PROSER2: variants seen among roughly 807,000 people sequenced by gnomAD.
PROSER2 encodes proline and serine rich 2.
Under a neutral mutation model 14.6 loss-of-function variants are expected in PROSER2, and 18 were observed. That is an observed-to-expected ratio of 1.23 (90% CI 0.85 to 1.83). The LOEUF (loss-of-function observed/expected upper bound fraction) is 1.83. PROSER2 is among the 40% of genes most tolerant of loss of function. The pLI, the probability that PROSER2 is intolerant of heterozygous loss-of-function variation, is 0.00. For synonymous variants in PROSER2, 367 were observed against 286.4 expected (o/e 1.28, Z -2.84); for missense variants, 823 against 629.8 (o/e 1.31, Z -3.28).
rs1325406913 is a variant in PROSER2, at chr10:11,823,872, C to A, written c.-82+402C>A. Among the ~76,000 whole-genome samples, 1 of 152,186 alleles carries A rather than the reference C, an allele frequency of 6.6e-6. No individual in the cohort carries two copies. Among genetic ancestry groups the A allele is most frequent in the East Asian group, 1.9e-4 (1 of 5,182 alleles). On this transcript the variant is annotated intron_variant, in intron 1 of 3. Transcript: ENST00000277570. The surrounding 1 kb of genome is among the most constrained non-coding windows in gnomAD (Gnocchi z 6.2). Reference sequence around the variant, plus strand: ...CTTTGCGCCGTGGGACCCCATGCGGCCTCGGGGAGAGGGTGCGGGTCCGAC... The same window carrying A: ...CTTTGCGCCGTGGGACCCCATGCGGACTCGGGGAGAGGGTGCGGGTCCGAC...
chr10:11,866,591 G>A lies in PROSER2; in HGVS notation c.199G>A (p.Glu67Lys). 1 of 1,614,196 alleles carries A rather than the reference G, an allele frequency of 6.2e-7. No individual in the cohort carries two copies. The highest frequency in any genetic ancestry group is 8.5e-7 in the Non-Finnish European group (1 of 1,180,034). The change falls in exon 3 of 4, where the codon GAG (glutamate) becomes AAG (lysine). Residue 67 changes from glutamate to lysine, a missense_variant. Transcript: ENST00000277570. This position sits in a 1 kb window ranked among gnomAD's most constrained non-coding sequence, Gnocchi z 6.0. ...EEKDVLLFFE[E>K]TIDSLDEDFE... ...AAAGGATGTGCTCCTGTTTTTTGAA[G>A]AGACGATTGACTCCCTAGACGAGGA... is the stretch of plus-strand genomic sequence containing the variant.
At chr10:11,848,504 A>G (rs956177835) in intron 1 of PROSER2, among the ~76,000 whole-genome samples, 3 of 152,134 alleles carry the variant, frequency 2.0e-5, no homozygotes, top group Non-Finnish European at 2.9e-5. Flanking sequence ...TTTAAGCCAA[A>G]TGTGTGGTGT....
intron 1 of PROSER2, among the ~76,000 whole-genome samples, chr10:11,843,510 A>AC (rs1322453566): frequency 1.3e-5 from 2 of 151,792 alleles, no homozygotes; most frequent in South Asian, 2.1e-4. Flanking sequence ...ACATGGTGAA[A>AC]CCCCGTCCCT....
At chr10:11,825,283 G>A (rs1420605627) in intron 1 of PROSER2, among the ~76,000 whole-genome samples, 1 of 152,252 alleles carries the variant, frequency 6.6e-6, no homozygotes, top group Non-Finnish European at 1.5e-5. Context: ...CTTATCTGCA[G>A]TGTTGTGGGG....
chr10:11,844,926 G>A (rs543326568), intron 1 of PROSER2, among the ~76,000 whole-genome samples: 9 of 152,250 alleles, frequency 5.9e-5, no homozygotes, highest in Admixed American at 6.5e-5. Flanking sequence ...CCAGCCTTCC[G>A]CATTCTTTAT....
In PROSER2 at chr10:11,856,465, C is replaced by G. The variant is rs966786539; in HGVS notation, c.138+4250C>G. 4.6e-5 allele frequency among the ~76,000 whole-genome samples: 7 copies of G among 152,232 alleles called. No homozygotes were observed. Among genetic ancestry groups the G allele is most frequent in the African/African-American group, 1.7e-4 (7 of 41,464 alleles). On this transcript the variant is annotated intron_variant, in intron 2 of 3. Coordinates refer to ENST00000277570, the MANE Select transcript of PROSER2 (RefSeq NM_153256.4). The surrounding 1 kb of genome is among the most constrained non-coding windows in gnomAD (Gnocchi z 5.3). Reference sequence around the variant, plus strand: ...GGCTGCTCGGAAAGGGCGGAGAGCTCTGCACTCGCATGGTTCTCAAGGAGT... The same window carrying G: ...GGCTGCTCGGAAAGGGCGGAGAGCTGTGCACTCGCATGGTTCTCAAGGAGT...
At position 11,838,201 on chromosome 10, in the gene PROSER2, C is replaced by G. The variant is rs903622336; in HGVS notation, c.-81-13796C>G. Among the ~76,000 whole-genome samples, 1 of 151,976 alleles carries G rather than the reference C, an allele frequency of 6.6e-6. No homozygotes were observed. Among genetic ancestry groups the G allele is most frequent in the Non-Finnish European group, 1.5e-5 (1 of 67,940 alleles). ...AGGTCATGCCCCCGACACACACTCA[C>G]CCCCCAGACTCACCAGTGGCATTCG... On this transcript the variant is annotated intron_variant, in intron 1 of 3. Coordinates refer to ENST00000277570, the MANE Select transcript of PROSER2 (RefSeq NM_153256.4). This position sits in a 1 kb window ranked among gnomAD's most constrained non-coding sequence, Gnocchi z 4.4.
chr10:11,868,808 G>A (rs1834404017), intron 3 of PROSER2, among the ~76,000 whole-genome samples: 2 of 152,012 alleles, frequency 1.3e-5, no homozygotes, highest in South Asian at 4.2e-4. Context: ...ACGCCACCAC[G>A]CCCAGCTAAT....
At chr10:11,829,433 A>G (rs1833661093) in intron 1 of PROSER2, among the ~76,000 whole-genome samples, 2 of 151,832 alleles carry the variant, frequency 1.3e-5, no homozygotes, top group African/African-American at 4.8e-5. Context: ...AAAATTAAAA[A>G]ATTAGCCAGG....
chr10:11,842,977 G>A (rs1833868429), intron 1 of PROSER2, among the ~76,000 whole-genome samples: 1 of 77,316 alleles, frequency 1.3e-5, no homozygotes, highest in African/African-American at 3.9e-5. Context: ...GTCTTGCTCT[G>A]TCGCCCAGGC....
At chr10:11,848,959 C>T (rs1011688490) in intron 1 of PROSER2, among the ~76,000 whole-genome samples, 2 of 152,032 alleles carry the variant, frequency 1.3e-5, no homozygotes, top group African/African-American at 4.8e-5. Flanking sequence ...GAGGCCGAGG[C>T]GGGCGGATCA....
chr10:11,854,153 C>T (rs1326811210), intron 2 of PROSER2, among the ~76,000 whole-genome samples: 5 of 152,354 alleles, frequency 3.3e-5, no homozygotes, highest in African/African-American at 7.2e-5. Flanking sequence ...TCCTTGCCTT[C>T]CCCTCAGGCC....
chr10:11,833,978 C>T (rs1234109476), intron 1 of PROSER2, among the ~76,000 whole-genome samples: 5 of 122,112 alleles, frequency 4.1e-5, no homozygotes. Context: ...AAGTGAGTAG[C>T]TCTTTCTTTT....
chr10:11,844,290 C>T (rs181502235), intron 1 of PROSER2, among the ~76,000 whole-genome samples: 81 of 152,258 alleles, frequency 5.3e-4, no homozygotes, highest in Non-Finnish European at 1.0e-3. Context: ...TGCACCCAGC[C>T]ACTTTGAATA....
intron 1 of PROSER2, among the ~76,000 whole-genome samples, chr10:11,824,975 G>T (rs773635182): frequency 6.6e-6 from 1 of 152,150 alleles, no homozygotes. Flanking sequence ...CCTACAGCGC[G>T]CAGAGCCGTG....
At chr10:11,847,416 T>TTTG (rs899198034) in intron 1 of PROSER2, among the ~76,000 whole-genome samples, 2 of 151,978 alleles carry the variant, frequency 1.3e-5, no homozygotes, top group East Asian at 1.9e-4. Flanking sequence ...GTTGTTTTGT[T>TTTG]TTGTTGTTGT....
rs1336622851 is a variant in PROSER2 at position 11,872,103 on chromosome 10, CAAT to C, written c.*1702_*1704del. 3 of 152,098 alleles carry C rather than the reference CAAT, an allele frequency of 2.0e-5. No homozygotes were observed. Among genetic ancestry groups the C allele is most frequent in the Admixed American group, 6.6e-5 (1 of 15,256 alleles). 9.4% of individuals were successfully genotyped at this position (152,098 alleles called of 1,614,324 possible). On this transcript the variant is annotated 3_prime_UTR_variant, in exon 4 of 4. Transcript: ENST00000277570. Reference sequence around the variant, plus strand: ...ACAAGGCAAGATGCCATACAGTGTTCAATAATAGAAGGTCTTGATACAACCGAC... The same window carrying C: ...ACAAGGCAAGATGCCATACAGTGTTCAATAGAAGGTCTTGATACAACCGAC...
intron 2 of PROSER2, among the ~76,000 whole-genome samples, chr10:11,860,274 T>C (rs957279050): frequency 6.6e-6 from 1 of 152,130 alleles, no homozygotes; most frequent in African/African-American, 2.4e-5. Flanking sequence ...GATGTGAGAA[T>C]CTCAGGCTTC....
At chr10:11,835,114 A>G (rs1321454772) in intron 1 of PROSER2, among the ~76,000 whole-genome samples, 1 of 88,926 alleles carries the variant, frequency 1.1e-5, no homozygotes, top group African/African-American at 4.2e-5. Flanking sequence ...CTTAAAAAAA[A>G]AAAAAAAAAA....
Sources: allele counts gnomAD v4.1 joint callset (sites outside exome capture counted in the v4.1 genomes callset), GRCh38; gene constraint gnomAD v4.1.1; non-coding constraint Gnocchi (gnomAD v3.1); transcripts MANE v1.5; gene names NCBI Gene and HGNC (gene_info 2026-07-23, HGNC 2026-07-21).